Variants in FUT9 observed in about 807,000 individuals in gnomAD.
The protein encoded by FUT9 is fucosyltransferase 9.
Under a neutral mutation model 29.7 loss-of-function variants are expected in FUT9, and 15 were observed. The observed-to-expected ratio is 0.51, with a 90% CI of 0.34 to 0.78. The LOEUF (loss-of-function observed/expected upper bound fraction) is 0.78. Among genes scored for constraint, FUT9 ranks in the 30% least tolerant of loss-of-function variants. The pLI is 0.01. For missense variants in FUT9, 319 were observed against 425.4 expected (o/e 0.75, Z 2.20); for synonymous variants, 169 against 153.7 (o/e 1.10, Z -0.74).
At chr6:96,055,589 A>G (rs1468171978) in intron 1 of FUT9, among the ~76,000 whole-genome samples, 1 of 151,730 alleles carries the variant, frequency 6.6e-6, no homozygotes, top group Non-Finnish European at 1.5e-5. Context: ...CTAGGTAAAC[A>G]TGCATCATGG....
chr6:96,188,358 C>T (rs1773442526), intron 2 of FUT9, among the ~76,000 whole-genome samples: 1 of 152,010 alleles, frequency 6.6e-6, no homozygotes, highest in South Asian at 2.1e-4. Flanking sequence ...CCTCGAACTC[C>T]TGGATTCAAG....
At chr6:96,199,847 C>T (rs1479864447) in intron 2 of FUT9, among the ~76,000 whole-genome samples, 5 of 152,120 alleles carry the variant, frequency 3.3e-5, no homozygotes, top group African/African-American at 1.2e-4. Context: ...TCATATGAGA[C>T]ATACAGCATT....
intron 1 of FUT9, among the ~76,000 whole-genome samples, chr6:96,028,444 T>G (rs1770205190): frequency 6.6e-6 from 1 of 151,650 alleles, no homozygotes; most frequent in East Asian, 1.9e-4. Context: ...TAATATCAAC[T>G]ATTTAGCTGA....
intron 2 of FUT9, among the ~76,000 whole-genome samples, chr6:96,122,067 C>A (rs1772039201): frequency 6.6e-6 from 1 of 152,040 alleles, no homozygotes; most frequent in African/African-American, 2.4e-5. Context: ...GGTCTGTGTT[C>A]AATATTAGCT....
chr6:96,176,333 A>G (rs1291641032), intron 2 of FUT9, among the ~76,000 whole-genome samples: 1 of 151,486 alleles, frequency 6.6e-6, no homozygotes, highest in African/African-American at 2.4e-5. Context: ...GAAATATTTT[A>G]TATCATATAA....
chr6:96,079,390 A>G (rs1165003458), intron 1 of FUT9, among the ~76,000 whole-genome samples: 1 of 152,168 alleles, frequency 6.6e-6, no homozygotes, highest in Non-Finnish European at 1.5e-5. Flanking sequence ...TAAGTCAGTT[A>G]CTATTCTTTC....
At chr6:96,028,231 G>A (rs995954418) in intron 1 of FUT9, among the ~76,000 whole-genome samples, 6 of 151,428 alleles carry the variant, frequency 4.0e-5, no homozygotes, top group Non-Finnish European at 8.9e-5. Context: ...ATTATAATAG[G>A]GCTTCATGGA....
intron 1 of FUT9, among the ~76,000 whole-genome samples, chr6:96,091,754 G>C (rs1051988518): frequency 2.6e-5 from 4 of 152,018 alleles, no homozygotes; most frequent in African/African-American, 9.7e-5. Flanking sequence ...GGTGATCTTT[G>C]CAATACTGCT....
At chr6:96,102,492 A>G (rs1246652960) in intron 1 of FUT9, among the ~76,000 whole-genome samples, 2 of 152,190 alleles carry the variant, frequency 1.3e-5, no homozygotes, top group Admixed American at 1.3e-4. Flanking sequence ...TAAAATTTTC[A>G]TGTCAGGTGC....
At chr6:96,153,429 C>G (rs1772719147) in intron 2 of FUT9, among the ~76,000 whole-genome samples, 1 of 151,666 alleles carries the variant, frequency 6.6e-6, no homozygotes, top group African/African-American at 2.4e-5. Context: ...AAAACTAACA[C>G]TTCTTCTAAG....
chr6:96,041,806 C>A (rs1770465724), intron 1 of FUT9, among the ~76,000 whole-genome samples: 1 of 152,104 alleles, frequency 6.6e-6, no homozygotes, highest in Admixed American at 6.5e-5. Context: ...CGATGAGTCT[C>A]CTCTTGTTAC....
chr6:96,113,465 C>G (rs979126999), intron 1 of FUT9, among the ~76,000 whole-genome samples: 2 of 151,842 alleles, frequency 1.3e-5, no homozygotes, highest in African/African-American at 4.8e-5. Context: ...TCTTGAACTC[C>G]TGACCTCAAG....
At chr6:96,077,114 C>T (rs1771152312) in intron 1 of FUT9, among the ~76,000 whole-genome samples, 1 of 152,056 alleles carries the variant, frequency 6.6e-6, no homozygotes, top group Non-Finnish European at 1.5e-5. Context: ...CAAATGCAGA[C>T]ATGGTTCTGG....
At position 96,213,385 on chromosome 6, in the gene FUT9, A is replaced by G. The variant is rs1445601207; in HGVS notation, c.*9150A>G. ...AAGGTCAAAACTATTATTCTGAAAC[A>G]AAATGTGACAATTCTAGCCATTATG... On this transcript the variant is annotated 3_prime_UTR_variant, in exon 3 of 3. Transcript: ENST00000302103. 1 of 166,876 alleles carries G rather than the reference A, an allele frequency of 6.0e-6. No individual in the cohort carries two copies. The highest frequency in any genetic ancestry group is 1.5e-5 in the Non-Finnish European group (1 of 68,028). The allele number at this position is 166,876 out of a possible 1,614,324, so 10.3% of individuals were successfully genotyped here. A position where few individuals can be genotyped will look rare whatever the true frequency, so the allele number is the denominator to read the frequency against.
intron 2 of FUT9, among the ~76,000 whole-genome samples, chr6:96,187,157 T>C (rs1208478589): frequency 6.6e-6 from 1 of 152,156 alleles, no homozygotes; most frequent in Non-Finnish European, 1.5e-5. Context: ...TGGTTTCCCA[T>C]GGATTCTCTA....
intron 1 of FUT9, among the ~76,000 whole-genome samples, chr6:96,039,945 A>G (rs1449694438): frequency 9.8e-6 from 1 of 102,496 alleles, no homozygotes; most frequent in Non-Finnish European, 2.1e-5. Context: ...TTTAAATTCA[A>G]ACTATTTTTT....
intron 1 of FUT9, among the ~76,000 whole-genome samples, chr6:96,020,159 C>T (rs538884731): frequency 1.3e-5 from 2 of 152,242 alleles, no homozygotes; most frequent in South Asian, 4.1e-4. Flanking sequence ...TAAACTGCAA[C>T]TAGCCCACCT....
intron 2 of FUT9, among the ~76,000 whole-genome samples, chr6:96,117,122 A>C (rs1399775130): frequency 6.6e-6 from 1 of 152,218 alleles, no homozygotes; most frequent in Non-Finnish European, 1.5e-5. Flanking sequence ...CAAAATCTGC[A>C]AAGAATGAGG....
chr6:96,023,664 A>C (rs1429483328), intron 1 of FUT9, among the ~76,000 whole-genome samples: 1 of 151,952 alleles, frequency 6.6e-6, no homozygotes, highest in Admixed American at 6.6e-5. Flanking sequence ...CAATGGATTC[A>C]GTTACATGAA....
Sources: gnomAD v4.1 joint callset for allele counts (sites outside exome capture counted in the v4.1 genomes callset) on GRCh38, gnomAD v4.1.1 for gene constraint, MANE v1.5 for transcripts, NCBI Gene and HGNC (gene_info 2026-07-23, HGNC 2026-07-21) for gene names.